Variants in TRPC6 observed in about 807,000 individuals in gnomAD.
TRPC6 encodes the protein transient receptor potential cation channel subfamily C member 6.
In TRPC6, 55 loss-of-function variants were observed where a neutral mutation model predicts 90.7. The ratio of observed to expected loss-of-function variants is 0.61; its 90% CI spans 0.49 to 0.76. TRPC6 has a LOEUF of 0.76. Among genes scored for constraint, TRPC6 ranks in the 30% least tolerant of loss-of-function variants. The pLI is 0.00. For missense variants in TRPC6, 989 were observed against 1,122.7 expected, an observed-to-expected ratio of 0.88 and a Z score of 1.70; for synonymous variants, 393 against 393.0, an observed-to-expected ratio of 1.00 and a Z score of 0.00.
At chr11:101,540,360 T>A (rs1861140861) in intron 1 of TRPC6, among the ~76,000 whole-genome samples, 1 of 152,222 alleles carries the variant, frequency 6.6e-6, no homozygotes, top group Non-Finnish European at 1.5e-5. Flanking sequence ...TTACAGCAAA[T>A]TAAATAATCT....
At chr11:101,482,863 T>C (rs1859585352) in intron 5 of TRPC6, 86 bp downstream of exon 5, 1 of 1,337,400 alleles carries the variant, frequency 7.5e-7, no homozygotes, top group Non-Finnish European at 1.1e-6. Context: ...CATACATTTG[T>C]ATAACTGATG....
At chr11:101,457,622 C>G (rs1858915325) in intron 10 of TRPC6, among the ~76,000 whole-genome samples, 1 of 152,108 alleles carries the variant, frequency 6.6e-6, no homozygotes, top group South Asian at 2.1e-4. Context: ...CTGTGTTATA[C>G]AGTGCTTATA....
intron 1 of TRPC6, among the ~76,000 whole-genome samples, chr11:101,537,132 G>A (rs537361924): frequency 4.6e-4 from 70 of 152,238 alleles, no homozygotes; most frequent in African/African-American, 1.5e-3. Context: ...ACTTTGAACC[G>A]CACTTTGTTT....
In TRPC6 at chr11:101,452,965, G is replaced by A; in HGVS notation, c.2786C>T (p.Thr929Ile). Reference protein sequence around the residue: ...KLSMEPNQEETNR With the variant: ...KLSMEPNQEEINR ...AAGGAAGTCTTCGCATTATCTATTG[G>A]TTTCCTCTTGATTTGGTTCCATGGA... The change falls in exon 13 of 13, where the codon ACC becomes ATC. Residue 929 changes from threonine (T) to isoleucine (I), a missense_variant. Around this residue, in one of 4 missense-constraint regions of TRPC6, gnomAD observed 191 missense variants for 196.7 expected, o/e 0.97. Coordinates refer to ENST00000344327, the MANE Select transcript of TRPC6 (RefSeq NM_004621.6). The A allele has an allele frequency of 6.2e-7, 1 of 1,613,792 alleles. No individual in the cohort carries two copies.
intron 1 of TRPC6, among the ~76,000 whole-genome samples, chr11:101,526,564 TTTAA>T (rs1860783803): frequency 6.6e-6 from 1 of 152,038 alleles, no homozygotes. Context: ...CAGAAGATGA[TTTAA>T]TTAAATAGTC....
chr11:101,564,166 T>C (rs1289737386), intron 1 of TRPC6, among the ~76,000 whole-genome samples: 1 of 152,232 alleles, frequency 6.6e-6, no homozygotes, highest in African/African-American at 2.4e-5. Flanking sequence ...TTAATGTCTT[T>C]CAATACAATT....
At chr11:101,469,572 G>A in intron 9 of TRPC6, 71 bp from the exon 10 acceptor site, 1 of 675,814 alleles carries the variant, frequency 1.5e-6, no homozygotes, top group South Asian at 1.6e-5. Context: ...TATTTTAAAA[G>A]CCATTTCGTC....
At chr11:101,547,834 C>G (rs891733417) in intron 1 of TRPC6, among the ~76,000 whole-genome samples, 1 of 152,140 alleles carries the variant, frequency 6.6e-6, no homozygotes, top group Non-Finnish European at 1.5e-5. Context: ...TCCTAGCCTG[C>G]TGCCTGTCTC....
At chr11:101,475,380 T>G (rs1859388181) in intron 6 of TRPC6, among the ~76,000 whole-genome samples, 1 of 152,184 alleles carries the variant, frequency 6.6e-6, no homozygotes, top group Admixed American at 6.6e-5. Context: ...TAAATTAAGC[T>G]AATTAACATA....
chr11:101,573,115 G>A (rs927254639), intron 1 of TRPC6, among the ~76,000 whole-genome samples: 1 of 147,668 alleles, frequency 6.8e-6, no homozygotes, highest in African/African-American at 2.4e-5. Flanking sequence ...GCAAAATCTA[G>A]TGATACAGTA....
At chr11:101,551,271 T>G (rs1182039961) in intron 1 of TRPC6, among the ~76,000 whole-genome samples, 3 of 152,004 alleles carry the variant, frequency 2.0e-5, no homozygotes, top group Admixed American at 2.0e-4. Flanking sequence ...AAGGACTAAA[T>G]GAATATTATG....
intron 1 of TRPC6, among the ~76,000 whole-genome samples, chr11:101,559,217 AAAG>A (rs1206138113): frequency 2.1e-4 from 32 of 152,082 alleles, no homozygotes; most frequent in Non-Finnish European, 4.4e-5. Flanking sequence ...ACATTTCTCA[AAAG>A]AAGACATCCA....
chr11:101,548,636 CTCACT>C (rs1377527439), intron 1 of TRPC6, among the ~76,000 whole-genome samples: 2 of 150,784 alleles, frequency 1.3e-5, no homozygotes, highest in African/African-American at 4.9e-5. Flanking sequence ...TCGTACCATT[CTCACT>C]TCAAGAGATG....
intron 1 of TRPC6, among the ~76,000 whole-genome samples, chr11:101,555,286 G>A (rs557550826): frequency 3.3e-5 from 5 of 152,290 alleles, no homozygotes; most frequent in East Asian, 1.9e-4. Flanking sequence ...TATTTCTTCC[G>A]TTCCAAAGGC....
chr11:101,517,337 A>G (rs1279921130), intron 1 of TRPC6, among the ~76,000 whole-genome samples: 1 of 152,220 alleles, frequency 6.6e-6, no homozygotes, highest in Non-Finnish European at 1.5e-5. Flanking sequence ...CGGACAAATT[A>G]TTCTTATCTT....
At chr11:101,484,477 GT>G (rs1180496678) in intron 4 of TRPC6, among the ~76,000 whole-genome samples, 1 of 151,870 alleles carries the variant, frequency 6.6e-6, no homozygotes, top group Non-Finnish European at 1.5e-5. Context: ...TGTCTATATG[GT>G]TTTCAAAATA....
intron 1 of TRPC6, among the ~76,000 whole-genome samples, chr11:101,540,287 T>A (rs1861139395): frequency 6.6e-6 from 1 of 152,290 alleles, no homozygotes; most frequent in East Asian, 1.9e-4. Context: ...AACAAAGCAA[T>A]GCAGGGTCTA....
intron 1 of TRPC6, among the ~76,000 whole-genome samples, chr11:101,506,529 A>AT (rs1170406925): frequency 6.6e-6 from 1 of 152,072 alleles, no homozygotes; most frequent in Non-Finnish European, 1.5e-5. Context: ...ATTGACAAAT[A>AT]TTTTTCATAG....
At chr11:101,533,800 C>A (rs1860969693) in intron 1 of TRPC6, among the ~76,000 whole-genome samples, 1 of 152,136 alleles carries the variant, frequency 6.6e-6, no homozygotes, top group South Asian at 2.1e-4. Flanking sequence ...GGATTCCATT[C>A]CCTTCTGGGA....
Sources: allele counts gnomAD v4.1 joint callset (sites outside exome capture counted in the v4.1 genomes callset), GRCh38; gene constraint gnomAD v4.1.1; regional missense constraint gnomAD v4.1.1; transcripts MANE v1.5; gene names NCBI Gene and HGNC (gene_info 2026-07-23, HGNC 2026-07-21).